Variants in CDH13 observed in about 807,000 individuals in gnomAD.
The protein encoded by CDH13 is cadherin 13.
Under a neutral mutation model 63.8 loss-of-function variants are expected in CDH13, and 24 were observed. The observed-to-expected ratio is 0.38, with a 90% CI of 0.27 to 0.53. CDH13 has a LOEUF of 0.53. Among genes scored for constraint, CDH13 ranks in the 20% least tolerant of loss-of-function variants. The pLI is 0.85. For missense variants in CDH13, 1,049 were observed against 903.1 expected, an observed-to-expected ratio of 1.16 and a Z score of -2.07; for synonymous variants, 503 against 355.3, an observed-to-expected ratio of 1.42 and a Z score of -4.67.
chr16:83,588,006 T>C (rs1906337953), intron 7 of CDH13, among the ~76,000 whole-genome samples: 1 of 151,936 alleles, frequency 6.6e-6, no homozygotes, highest in Admixed American at 6.6e-5. Flanking sequence ...GACCCAGTTG[T>C]CATACCATAA....
chr16:83,170,347 C>G (rs1340435624), intron 4 of CDH13, among the ~76,000 whole-genome samples: 1 of 152,102 alleles, frequency 6.6e-6, no homozygotes. Context: ...TGTACAAGGT[C>G]AGGGGTGGTG....
intron 3 of CDH13, among the ~76,000 whole-genome samples, chr16:83,050,043 G>C (rs960683452): frequency 6.6e-6 from 1 of 152,114 alleles, no homozygotes; most frequent in East Asian, 1.9e-4. Flanking sequence ...CATAATTTAT[G>C]ATGATTGAAT....
chr16:83,409,746 A>T (rs1231695838), intron 6 of CDH13, among the ~76,000 whole-genome samples: 1 of 152,212 alleles, frequency 6.6e-6, no homozygotes, highest in Non-Finnish European at 1.5e-5. Context: ...TTTTCCCCAG[A>T]AGTGGGATGT....
Position 82,735,875 on chromosome 16 carries a change from G to C in CDH13, c.45+108738G>C, listed in dbSNP as rs994138287. 1.2e-4 allele frequency among the ~76,000 whole-genome samples: 18 copies of C among 152,328 alleles called. No individual in the cohort carries two copies. In the East Asian group the frequency reaches 3.3e-3, roughly 28 times the overall value. On this transcript the variant is annotated intron_variant, in intron 1 of 13. Coordinates refer to ENST00000567109, the MANE Select transcript of CDH13 (RefSeq NM_001257.5). ...CAGCCAATAGAATCTAATGGGCTTT[G>C]CTTACAATGTGCATGGCTTGGCTAT...
chr16:82,701,228 C>A (rs908632102), intron 1 of CDH13, among the ~76,000 whole-genome samples: 13 of 152,130 alleles, frequency 8.5e-5, no homozygotes, highest in Non-Finnish European at 5.9e-5. Flanking sequence ...TTTCTCAAAT[C>A]CACATCTCCT....
intron 8 of CDH13, among the ~76,000 whole-genome samples, chr16:83,625,859 G>A (rs975208232): frequency 1.3e-5 from 2 of 152,154 alleles, no homozygotes; most frequent in Admixed American, 6.5e-5. Flanking sequence ...CGTAAGCCAC[G>A]CGGTAGCCAG....
chr16:83,073,349 G>GTT (rs2032586674), intron 3 of CDH13, among the ~76,000 whole-genome samples: 4 of 134,920 alleles, frequency 3.0e-5, no homozygotes, highest in Admixed American at 7.3e-5. Context: ...GTGTGTGTGT[G>GTT]TGTGTGAGAG....
At chr16:82,773,865 C>T (rs1273660106) in intron 1 of CDH13, among the ~76,000 whole-genome samples, 2 of 151,744 alleles carry the variant, frequency 1.3e-5, no homozygotes, top group Non-Finnish European at 2.9e-5. Context: ...CTCACTGCAA[C>T]CTCCGCCTCC....
intron 6 of CDH13, among the ~76,000 whole-genome samples, chr16:83,373,716 T>C (rs569403580): frequency 6.6e-6 from 1 of 152,338 alleles, no homozygotes; most frequent in South Asian, 2.1e-4. Context: ...CTTCTTGGAT[T>C]TGAATCTCCG....
At chr16:83,650,588 A>G (rs1036586288) in intron 8 of CDH13, among the ~76,000 whole-genome samples, 1 of 152,268 alleles carries the variant, frequency 6.6e-6, no homozygotes, top group East Asian at 1.9e-4. Context: ...ATGTCTGAAC[A>G]CATTTTTTAT....
At chr16:83,069,522 G>C (rs1365115827) in intron 3 of CDH13, among the ~76,000 whole-genome samples, 1 of 152,094 alleles carries the variant, frequency 6.6e-6, no homozygotes, top group Non-Finnish European at 1.5e-5. Context: ...GAAAAGCTGA[G>C]GCATGAAGAG....
intron 7 of CDH13, among the ~76,000 whole-genome samples, chr16:83,510,106 G>A (rs148331077): frequency 1.2e-3 from 189 of 152,288 alleles, no homozygotes; most frequent in Non-Finnish European, 2.3e-3. Flanking sequence ...TGGCTGAAAC[G>A]AGTCTGACGG....
intron 5 of CDH13, among the ~76,000 whole-genome samples, chr16:83,284,802 C>G (rs187765347): frequency 1.3e-5 from 2 of 151,822 alleles, no homozygotes; most frequent in African/African-American, 2.4e-5. Flanking sequence ...TAGTATAATA[C>G]AATATAATGT....
At chr16:82,632,170 T>C (rs1247694679) in intron 1 of CDH13, among the ~76,000 whole-genome samples, 1 of 152,172 alleles carries the variant, frequency 6.6e-6, no homozygotes, top group African/African-American at 2.4e-5. Context: ...TAGCTTGCCA[T>C]AATCGTCACC....
At chr16:83,028,216 T>C (rs1915993615) in intron 2 of CDH13, among the ~76,000 whole-genome samples, 1 of 152,214 alleles carries the variant, frequency 6.6e-6, no homozygotes, top group Admixed American at 6.5e-5. Context: ...TGAATACTAA[T>C]TGATGATAAC....
intron 3 of CDH13, among the ~76,000 whole-genome samples, chr16:83,034,901 G>A (rs1916709064): frequency 6.6e-6 from 1 of 152,048 alleles, no homozygotes; most frequent in African/African-American, 2.4e-5. Context: ...CTGTCTGTAC[G>A]CATTTTCGAC....
At chr16:82,846,419 C>G (rs1213393177) in intron 1 of CDH13, among the ~76,000 whole-genome samples, 1 of 152,104 alleles carries the variant, frequency 6.6e-6, no homozygotes, top group Non-Finnish European at 1.5e-5. Flanking sequence ...CTACTGTGAG[C>G]CAGTTTCTGT....
At chr16:82,700,176 A>C (rs2030809904) in intron 1 of CDH13, among the ~76,000 whole-genome samples, 1 of 152,220 alleles carries the variant, frequency 6.6e-6, no homozygotes, top group African/African-American at 2.4e-5. Flanking sequence ...AATTTAAATG[A>C]ATTTTTCCTG....
chr16:82,860,656 T>G (rs2039907338), intron 2 of CDH13, among the ~76,000 whole-genome samples: 1 of 147,632 alleles, frequency 6.8e-6, no homozygotes, highest in Non-Finnish European at 1.5e-5. Flanking sequence ...AAAAAAAAAA[T>G]CCAAAGCAGA....
Sources: allele counts gnomAD v4.1 joint callset (sites outside exome capture counted in the v4.1 genomes callset), GRCh38; gene constraint gnomAD v4.1.1; transcripts MANE v1.5; gene names NCBI Gene and HGNC (gene_info 2026-07-23, HGNC 2026-07-21).